Variants in RBFOX1 observed in about 807,000 individuals in gnomAD.
RBFOX1 encodes RNA binding protein fox-1 homolog 1.
Under a neutral mutation model 57.7 loss-of-function variants are expected in RBFOX1, and 8 were observed. The observed-to-expected ratio is 0.14, with a 90% CI of 0.08 to 0.25. RBFOX1 has a LOEUF of 0.25. Ranked by LOEUF, RBFOX1 falls within the 10% of genes least tolerant of loss-of-function variation. RBFOX1 has a pLI of 1.00. For missense variants in RBFOX1, 611 were observed against 548.5 expected, an observed-to-expected ratio of 1.11 and a Z score of -1.14; for synonymous variants, 326 against 222.4, an observed-to-expected ratio of 1.47 and a Z score of -4.15.
At chr16:6,240,254 C>T (rs1037099116) in intron 1 of RBFOX1, among the ~76,000 whole-genome samples, 17 of 152,218 alleles carry the variant, frequency 1.1e-4, no homozygotes, top group African/African-American at 4.1e-4. Flanking sequence ...ATAAATTACC[C>T]AGTCTCAGGT....
At chr16:6,378,603 AG>A (rs961865773) in intron 2 of RBFOX1, among the ~76,000 whole-genome samples, 2 of 152,120 alleles carry the variant, frequency 1.3e-5, no homozygotes, top group Non-Finnish European at 2.9e-5. Context: ...GCATTGTCTC[AG>A]GGCCTTTGCA....
chr16:7,265,299 T>C (rs187688572), intron 4 of RBFOX1, among the ~76,000 whole-genome samples: 470 of 149,268 alleles, frequency 3.1e-3, no homozygotes, highest in Middle Eastern at 0.021. Context: ...CGGTGGCTTA[T>C]GGATGGTGGC....
intron 4 of RBFOX1, among the ~76,000 whole-genome samples, chr16:7,164,351 G>C (rs180963491): frequency 1.1e-4 from 16 of 152,068 alleles, no homozygotes; most frequent in Admixed American, 2.6e-4. Flanking sequence ...ACATTTTCTT[G>C]ATCCACTCAT....
chr16:6,735,175 C>T (rs963376997), intron 3 of RBFOX1, among the ~76,000 whole-genome samples: 1 of 152,064 alleles, frequency 6.6e-6, no homozygotes, highest in Admixed American at 6.6e-5. Context: ...ACATCAACAA[C>T]AACAACATCA....
intron 3 of RBFOX1, among the ~76,000 whole-genome samples, chr16:6,740,268 G>C (rs2071654721): frequency 6.6e-6 from 1 of 152,052 alleles, no homozygotes; most frequent in Admixed American, 6.6e-5. Context: ...TTCTTAACTC[G>C]ATAAAGGATA....
chr16:6,036,260 C>A (rs1257876368), intron 1 of RBFOX1, among the ~76,000 whole-genome samples: 2 of 152,180 alleles, frequency 1.3e-5, no homozygotes, highest in Non-Finnish European at 2.9e-5. Context: ...ACTGAACCAT[C>A]CAAGATTTCC....
intron 4 of RBFOX1, among the ~76,000 whole-genome samples, chr16:5,928,758 T>C (rs2058987536): frequency 6.6e-6 from 1 of 152,038 alleles, no homozygotes. Context: ...AATCCTGGTA[T>C]TGTGGGCCAC....
intron 4 of RBFOX1, among the ~76,000 whole-genome samples, chr16:5,895,608 C>T (rs551807594): frequency 6.6e-6 from 1 of 152,298 alleles, no homozygotes; most frequent in Non-Finnish European, 1.5e-5. Context: ...GTATCAGAAT[C>T]ACAAAAGCTG....
chr16:5,790,763 C>T (rs879887774), intron 3 of RBFOX1, among the ~76,000 whole-genome samples: 3 of 152,028 alleles, frequency 2.0e-5, no homozygotes, highest in Admixed American at 6.6e-5. Context: ...TGCATCACTT[C>T]GTCTTCCTCA....
intron 14 of RBFOX1, among the ~76,000 whole-genome samples, chr16:7,708,187 A>G (rs1192973238): frequency 6.6e-6 from 1 of 152,016 alleles, no homozygotes; most frequent in Admixed American, 6.6e-5. Context: ...CTCATAAAAA[A>G]TCAAGATCTG....
At chr16:7,110,436 G>A (rs1358107230) in intron 4 of RBFOX1, among the ~76,000 whole-genome samples, 1 of 152,126 alleles carries the variant, frequency 6.6e-6, no homozygotes, top group Non-Finnish European at 1.5e-5. Flanking sequence ...GCAAAACACA[G>A]CAAATATGAG....
intron 5 of RBFOX1, among the ~76,000 whole-genome samples, chr16:7,532,694 C>A (rs7186977): frequency 6.6e-6 from 1 of 152,124 alleles, no homozygotes; most frequent in African/African-American, 2.4e-5. Context: ...TGGGCCGATT[C>A]CTGCCTGCGA....
intron 1 of RBFOX1, among the ~76,000 whole-genome samples, chr16:5,353,583 C>T (rs1210313874): frequency 6.6e-6 from 1 of 152,090 alleles, no homozygotes; most frequent in East Asian, 1.9e-4. Context: ...GGCAGGAGGA[C>T]TACATAAGTC....
intron 3 of RBFOX1, among the ~76,000 whole-genome samples, chr16:6,777,163 C>G (rs2079520300): frequency 7.4e-6 from 1 of 135,842 alleles, no homozygotes; most frequent in South Asian, 2.2e-4. Flanking sequence ...CCAGATATTT[C>G]TAGGGTATTT....
intron 3 of RBFOX1, among the ~76,000 whole-genome samples, chr16:6,741,495 C>T (rs149124592): frequency 6.6e-4 from 100 of 152,054 alleles, no homozygotes; most frequent in Non-Finnish European, 1.2e-3. Context: ...GAAACCCTGT[C>T]TGTATTAAAA....
At chr16:6,162,826 C>G (rs2096889688) in intron 1 of RBFOX1, among the ~76,000 whole-genome samples, 1 of 152,146 alleles carries the variant, frequency 6.6e-6, no homozygotes, top group African/African-American at 2.4e-5. Flanking sequence ...CTCCACCTCC[C>G]AGGTTCAAGC....
chr16:7,231,064 G>T (rs1304207534), intron 4 of RBFOX1, among the ~76,000 whole-genome samples: 1 of 152,144 alleles, frequency 6.6e-6, no homozygotes, highest in African/African-American at 2.4e-5. Flanking sequence ...ATTAAGTGGA[G>T]AGTATCCTCC....
At chr16:5,358,017 G>T (rs1356854941) in intron 1 of RBFOX1, among the ~76,000 whole-genome samples, 1 of 152,172 alleles carries the variant, frequency 6.6e-6, no homozygotes, top group Non-Finnish European at 1.5e-5. Flanking sequence ...TGGCTTAAAT[G>T]ACACAACTTT....
chr16:6,639,929 C>T (rs1020759523), intron 2 of RBFOX1, among the ~76,000 whole-genome samples: 2 of 152,064 alleles, frequency 1.3e-5, no homozygotes, highest in Admixed American at 1.3e-4. Context: ...ACAGTTATGA[C>T]AGGTATTTTG....
Sources: allele counts gnomAD v4.1 joint callset (sites outside exome capture counted in the v4.1 genomes callset), GRCh38; gene constraint gnomAD v4.1.1; transcripts MANE v1.5; gene names NCBI Gene and HGNC (gene_info 2026-07-23, HGNC 2026-07-21).